The following HECW1 variants were observed in gnomAD, a reference collection of about 807,000 sequenced individuals.
HECW1 encodes E3 ubiquitin-protein ligase HECW1.
HECW1 carries 61 observed loss-of-function variants against 182.3 expected under a neutral mutation model. The observed-to-expected ratio is 0.33, with a 90% CI of 0.27 to 0.41. The LOEUF (loss-of-function observed/expected upper bound fraction) is 0.41. Ranked by LOEUF, HECW1 falls within the 10% of genes least tolerant of loss-of-function variation. The pLI is 1.00. For missense variants in HECW1, 1,739 were observed against 2,108.9 expected (o/e 0.82, Z 3.44); for synonymous variants, 859 against 832.6 (o/e 1.03, Z -0.55).
chr7:43,471,158 T>C (rs760267763), intron 16 of HECW1, among the ~76,000 whole-genome samples: 1 of 152,226 alleles, frequency 6.6e-6, no homozygotes, highest in Non-Finnish European at 1.5e-5. Flanking sequence ...AAGATCAAGA[T>C]TGTGAAGTGG....
chr7:43,502,761 T>C (rs2079416934), intron 21 of HECW1, among the ~76,000 whole-genome samples: 1 of 152,248 alleles, frequency 6.6e-6, no homozygotes, highest in Non-Finnish European at 1.5e-5. Flanking sequence ...TATTGGAGAA[T>C]TTTTCCATTC....
chr7:43,182,989 A>C (rs1044201884), intron 2 of HECW1, among the ~76,000 whole-genome samples: 1 of 152,174 alleles, frequency 6.6e-6, no homozygotes, highest in South Asian at 2.1e-4. Flanking sequence ...ATAGTTCACT[A>C]TTAGCACATA....
chr7:43,337,633 G>C (rs1812465876), intron 5 of HECW1, among the ~76,000 whole-genome samples: 1 of 152,192 alleles, frequency 6.6e-6, no homozygotes, highest in Admixed American at 6.5e-5. Flanking sequence ...TCTTCTAACA[G>C]TCTGACACTA....
chr7:43,141,155 G>A (rs958619787), intron 2 of HECW1, among the ~76,000 whole-genome samples: 1 of 152,184 alleles, frequency 6.6e-6, no homozygotes, highest in Admixed American at 6.5e-5. Flanking sequence ...GCACTGCGAG[G>A]TGACATTTCT....
chr7:43,484,549 T>A (rs2078556386), intron 17 of HECW1: 1 of 152,254 alleles, frequency 6.6e-6, no homozygotes, highest in Non-Finnish European at 1.5e-5. Flanking sequence ...CTCTTGAGTG[T>A]TATTCAGCAG....
chr7:43,207,731 T>G (rs1315600811), intron 2 of HECW1: 1 of 152,218 alleles, frequency 6.6e-6, no homozygotes, highest in Non-Finnish European at 1.5e-5. Flanking sequence ...ATATGGTGCC[T>G]AACTTTCTAT....
intron 29 of HECW1, among the ~76,000 whole-genome samples, chr7:43,557,106 G>A (rs750680483): frequency 3.9e-5 from 6 of 152,172 alleles, no homozygotes; most frequent in Admixed American, 2.0e-4. Flanking sequence ...TGTCATCTAT[G>A]TGTGGATAGA....
chr7:43,316,748 TTCTCCTCTCCCCTCCCCTTTTC>T (rs1809314023), intron 4 of HECW1, among the ~76,000 whole-genome samples: 1 of 144,974 alleles, frequency 6.9e-6, no homozygotes, highest in Non-Finnish European at 1.5e-5. Context: ...TCCATTCCAG[TTCTCCTCTCCCCTCCCCTTTTC>T]TCTCCTCCCC....
At chr7:43,436,031 G>T (rs577524153) in intron 8 of HECW1, among the ~76,000 whole-genome samples, 1 of 152,154 alleles carries the variant, frequency 6.6e-6, no homozygotes, top group East Asian at 1.9e-4. Context: ...GGACGTGGTG[G>T]CAGATGCCTA....
intron 24 of HECW1, among the ~76,000 whole-genome samples, chr7:43,537,586 T>C (rs977346777): frequency 6.6e-6 from 1 of 152,228 alleles, no homozygotes; most frequent in African/African-American, 2.4e-5. Flanking sequence ...CAGCAATTCA[T>C]CAGCTATTGT....
At chr7:43,426,503 A>T (rs1240916892) in intron 8 of HECW1, among the ~76,000 whole-genome samples, 1 of 152,212 alleles carries the variant, frequency 6.6e-6, no homozygotes, top group Non-Finnish European at 1.5e-5. Context: ...AGTATTTTTC[A>T]TACAAATACT....
intron 6 of HECW1, among the ~76,000 whole-genome samples, chr7:43,369,544 C>G (rs1817067864): frequency 6.6e-6 from 1 of 152,128 alleles, no homozygotes; most frequent in African/African-American, 2.4e-5. Flanking sequence ...GGAGAGAACA[C>G]CTTAATCTTT....
chr7:43,234,665 CATTTGTT>C (rs1423132856), intron 2 of HECW1, among the ~76,000 whole-genome samples: 27 of 152,196 alleles, frequency 1.8e-4, no homozygotes, highest in African/African-American at 6.5e-4. Context: ...TTTCATTTCT[CATTTGTT>C]ATTTCTTGAA....
Position 43,445,079 on chromosome 7 carries a change from A to C in HECW1, c.1907A>C (p.His636Pro), listed in dbSNP as rs1197319620. ...GCGCACCCTGGCCACTCCGGGGGCC[A>C]CTTCCCCAGCCTGGCCAATGGCGCG... ...GTAHPGHSGGHFPSLANGAAQ... is the reference protein window; with the variant it reads ...GTAHPGHSGGPFPSLANGAAQ... Residue 636 changes from histidine (H) to proline (P), a missense_variant, in exon 11 of 30, where the codon CAC (histidine) becomes CCC (proline). This residue lies in a region of HECW1 where 971 missense variants were observed against 1,029.1 expected (regional missense o/e 0.94). Coordinates refer to ENST00000395891, the MANE Select transcript of HECW1 (RefSeq NM_015052.5). The C allele has an allele frequency of 4.4e-6, 7 of 1,600,446 alleles. No homozygotes were observed. Among genetic ancestry groups the C allele is most frequent in the Non-Finnish European group, 6.0e-6 (7 of 1,174,528 alleles).
intron 6 of HECW1, among the ~76,000 whole-genome samples, chr7:43,395,944 G>A (rs909426501): frequency 6.6e-6 from 1 of 152,192 alleles, no homozygotes; most frequent in Non-Finnish European, 1.5e-5. Flanking sequence ...CTGAGCAAGA[G>A]ATTATGGATA....
Position 43,396,720 on chromosome 7 carries a change from G to T in HECW1, c.556-94G>T, listed in dbSNP as rs2075244801. On this transcript the variant is annotated intron_variant, in intron 6 of 29. Transcript: ENST00000395891. ...TCACTGTCTTCGTTGCCTGTAGCTG[G>T]TAAAATCACTGTGAATAACCATGCT... 3 of 839,066 alleles carry T rather than the reference G, an allele frequency of 3.6e-6. No homozygotes were observed. The South Asian group carries it at 4.4e-5, about 12-fold the overall frequency. 52.0% of individuals were successfully genotyped at this position (839,066 alleles called of 1,614,324 possible).
At chr7:43,231,513 GA>G (rs1797872689) in intron 2 of HECW1, among the ~76,000 whole-genome samples, 1 of 152,176 alleles carries the variant, frequency 6.6e-6, no homozygotes, top group African/African-American at 2.4e-5. Context: ...TAAAGAGATT[GA>G]AAAGGACCCA....
chr7:43,248,826 A>G (rs1799729403), intron 3 of HECW1: 1 of 149,698 alleles, frequency 6.7e-6, no homozygotes, highest in Non-Finnish European at 1.5e-5. Flanking sequence ...GTCCTAGGCC[A>G]CTCTATTGCA....
At chr7:43,313,400 C>A (rs1420442139) in intron 4 of HECW1, among the ~76,000 whole-genome samples, 1 of 146,998 alleles carries the variant, frequency 6.8e-6, no homozygotes, top group Non-Finnish European at 1.5e-5. Flanking sequence ...TTCAGTGGTG[C>A]GATCTCAGCT....
Sources: gnomAD v4.1 joint callset for allele counts (sites outside exome capture counted in the v4.1 genomes callset) on GRCh38, gnomAD v4.1.1 for gene constraint, gnomAD v4.1.1 regional missense constraint, MANE v1.5 for transcripts, NCBI Gene and HGNC (gene_info 2026-07-23, HGNC 2026-07-21) for gene names.